The following THSD4 variants were observed in gnomAD, a reference collection of about 807,000 sequenced individuals.
THSD4 encodes the protein thrombospondin type 1 domain containing 4.
In THSD4, 69 loss-of-function variants were observed where a neutral mutation model predicts 119.0. That is an observed-to-expected ratio of 0.58 (90% CI 0.48 to 0.71). THSD4 has a LOEUF of 0.71. THSD4 is among the 30% of genes least tolerant of loss of function. The probability of loss-of-function intolerance (pLI) is 0.00; values close to 1 mark genes in which losing one functional copy is unlikely to be tolerated. For missense variants in THSD4, 1,393 were observed against 1,391.1 expected, an observed-to-expected ratio of 1.00 and a Z score of -0.02; for synonymous variants, 524 against 540.4, an observed-to-expected ratio of 0.97 and a Z score of 0.42.
At chr15:71,353,814 C>G (rs572568808) in intron 6 of THSD4, among the ~76,000 whole-genome samples, 1 of 152,348 alleles carries the variant, frequency 6.6e-6, no homozygotes, top group African/African-American at 2.4e-5. Context: ...CAAATGCTGC[C>G]TCTGCCATTT....
At chr15:71,230,458 A>C (rs370777504) in intron 4 of THSD4, among the ~76,000 whole-genome samples, 7 of 152,238 alleles carry the variant, frequency 4.6e-5, no homozygotes, top group African/African-American at 1.4e-4. Context: ...TGCAGCCGTC[A>C]CGGTAACTAC....
intron 7 of THSD4, among the ~76,000 whole-genome samples, chr15:71,508,937 A>AATTTTT (rs112646642): frequency 6.9e-5 from 10 of 144,046 alleles, no homozygotes; most frequent in African/African-American, 2.6e-4. Flanking sequence ...AAAAGGATGG[A>AATTTTT]TTTTTTTTTT....
At chr15:71,460,741 C>T (rs966471293) in intron 7 of THSD4, among the ~76,000 whole-genome samples, 40 of 152,272 alleles carry the variant, frequency 2.6e-4, no homozygotes, top group East Asian at 1.9e-3. Flanking sequence ...AGCTACGTTT[C>T]GTATTTAATG....
intron 7 of THSD4, among the ~76,000 whole-genome samples, chr15:71,611,756 A>AAGC (rs2050233739): frequency 6.6e-6 from 1 of 152,256 alleles, no homozygotes; most frequent in Admixed American, 6.5e-5. Flanking sequence ...TGCCAAGCGA[A>AAGC]TGAGGACAAA....
intron 11 of THSD4, among the ~76,000 whole-genome samples, chr15:71,742,072 C>T (rs1595908483): frequency 1.3e-5 from 2 of 152,200 alleles, no homozygotes; most frequent in South Asian, 4.1e-4. Flanking sequence ...CCAAGCCTCC[C>T]GGCATTGTCC....
chr15:71,140,416 A>G (rs920949302), intron 1 of THSD4, among the ~76,000 whole-genome samples: 4 of 152,148 alleles, frequency 2.6e-5, no homozygotes, highest in African/African-American at 7.2e-5. Context: ...CCTAACTAAT[A>G]GAGTGAGAAC....
intron 6 of THSD4, among the ~76,000 whole-genome samples, chr15:71,282,701 G>A (rs1287716187): frequency 2.6e-5 from 4 of 152,096 alleles, no homozygotes; most frequent in Non-Finnish European, 4.4e-5. Flanking sequence ...TGCCAGTGCT[G>A]TTCATTTACC....
intron 7 of THSD4, among the ~76,000 whole-genome samples, chr15:71,551,022 C>G (rs2048918388): frequency 6.6e-6 from 1 of 152,166 alleles, no homozygotes; most frequent in African/African-American, 2.4e-5. Context: ...TAGGTCTACT[C>G]TGAGTGTGTA....
chr15:71,212,491 G>A (rs1228727265), intron 3 of THSD4, among the ~76,000 whole-genome samples: 2 of 152,202 alleles, frequency 1.3e-5, no homozygotes, highest in African/African-American at 4.8e-5. Context: ...CAGTGTCTTA[G>A]TTATCTGTGT....
In THSD4 at chr15:71,682,855, ACTTTCTTTCTTT is replaced by A. The variant is rs58309087; in HGVS notation, c.1357+22165_1357+22176del. Reference sequence around the variant, plus strand: ...CATGGCAATTCTTCCCTCTTTTGCTACTTTCTTTCTTTCTTTCTTTCTTTCTTTCTTTCTTTC... The same window carrying A: ...CATGGCAATTCTTCCCTCTTTTGCTACTTTCTTTCTTTCTTTCTTTCTTTC... On this transcript the variant is annotated intron_variant, in intron 8 of 17. Coordinates refer to ENST00000261862, the MANE Select transcript of THSD4 (RefSeq NM_024817.3). 1.2e-3 allele frequency among the ~76,000 whole-genome samples: 131 copies of A among 108,922 alleles called. 5 individuals carry two copies. The highest frequency in any genetic ancestry group is 4.8e-3 in the African/African-American group (130 of 27,072). 71.5% of individuals were successfully genotyped at this position (108,922 alleles called of 152,430 possible).
chr15:71,142,319 C>T (rs1333958784), intron 2 of THSD4, among the ~76,000 whole-genome samples: 1 of 152,100 alleles, frequency 6.6e-6, no homozygotes, highest in African/African-American at 2.4e-5. Flanking sequence ...CTGTCACCTT[C>T]CTTTATGTGC....
intron 7 of THSD4, among the ~76,000 whole-genome samples, chr15:71,634,421 G>A (rs773330428): frequency 3.9e-5 from 6 of 152,108 alleles, no homozygotes; most frequent in African/African-American, 9.7e-5. Flanking sequence ...TGAGAGTGTC[G>A]GAAATGAATA....
intron 6 of THSD4, among the ~76,000 whole-genome samples, chr15:71,286,060 C>T (rs150674291): frequency 4.6e-5 from 7 of 151,956 alleles, no homozygotes; most frequent in Admixed American, 2.6e-4. Context: ...ATTTGTTCTA[C>T]GCATCTTAGA....
Position 71,778,974 on chromosome 15 carries a change from C to T in THSD4, c.*1600C>T, listed in dbSNP as rs1441590934. 1 of 152,212 alleles carries T rather than the reference C, an allele frequency of 6.6e-6. No homozygotes were observed. Among genetic ancestry groups the T allele is most frequent in the African/African-American group, 2.4e-5 (1 of 41,444 alleles). 9.4% of individuals were successfully genotyped at this position (152,212 alleles called of 1,614,324 possible). ...TGTCTTATGGTCCTGAGCATATTTC[C>T]CTTTTAGAGCAAGCCTGGATTCTTA... is the stretch of plus-strand genomic sequence containing the variant. On this transcript the variant is annotated 3_prime_UTR_variant, in exon 18 of 18. Coordinates refer to ENST00000261862, the MANE Select transcript of THSD4 (RefSeq NM_024817.3).
chr15:71,412,183 G>A (rs948863362), intron 7 of THSD4, among the ~76,000 whole-genome samples: 2 of 152,222 alleles, frequency 1.3e-5, no homozygotes, highest in Non-Finnish European at 2.9e-5. Flanking sequence ...GAATTGGTTG[G>A]CGTCATGAGG....
At chr15:71,338,895 G>C (rs1195250338) in intron 6 of THSD4, among the ~76,000 whole-genome samples, 1 of 152,136 alleles carries the variant, frequency 6.6e-6, no homozygotes, top group Non-Finnish European at 1.5e-5. Context: ...CTGGAAACCA[G>C]AGTTGGAGTT....
At chr15:71,158,095 C>G (rs1007436086) in intron 3 of THSD4, among the ~76,000 whole-genome samples, 96 of 151,124 alleles carry the variant, frequency 6.4e-4, no homozygotes, top group African/African-American at 2.3e-3. Context: ...ATTTACAGTC[C>G]TACCCACAGT....
intron 7 of THSD4, among the ~76,000 whole-genome samples, chr15:71,507,274 A>G (rs1595838629): frequency 6.6e-6 from 1 of 152,162 alleles, no homozygotes; most frequent in Non-Finnish European, 1.5e-5. Flanking sequence ...TATGTTTTTA[A>G]TATTCCCTGA....
chr15:71,197,967 G>GA (rs1279503576), intron 3 of THSD4, among the ~76,000 whole-genome samples: 2 of 152,202 alleles, frequency 1.3e-5, no homozygotes, highest in Non-Finnish European at 2.9e-5. Context: ...AGAAGCTGGA[G>GA]AATGCAGTCA....
Sources: allele counts gnomAD v4.1 joint callset (sites outside exome capture counted in the v4.1 genomes callset), GRCh38; gene constraint gnomAD v4.1.1; transcripts MANE v1.5; gene names NCBI Gene and HGNC (gene_info 2026-07-23, HGNC 2026-07-21).